Variants in MAP3K15 observed in about 807,000 individuals in gnomAD.
The protein encoded by MAP3K15 is MAPK/ERK kinase kinase 15.
MAP3K15 carries 124 observed loss-of-function variants against 99.5 expected under a neutral mutation model. The ratio of observed to expected loss-of-function variants is 1.25; its 90% CI spans 1.08 to 1.45. MAP3K15 has a LOEUF of 1.45. MAP3K15 is among the 40% of genes most tolerant of loss of function. The probability of loss-of-function intolerance (pLI) is 0.00; values close to 1 mark genes in which losing one functional copy is unlikely to be tolerated. For missense variants in MAP3K15, 1,242 were observed against 1,079.7 expected, an observed-to-expected ratio of 1.15 and a Z score of -2.11; for synonymous variants, 494 against 439.6, an observed-to-expected ratio of 1.12 and a Z score of -1.55.
chrX:19,440,433 C>T (rs1482777403), intron 6 of MAP3K15, among the ~76,000 whole-genome samples: 1 of 112,732 alleles, frequency 8.9e-6, no homozygotes, highest in Non-Finnish European at 1.9e-5. Flanking sequence ...CTAGAAGCGA[C>T]CTGTGTCTTA....
intron 3 of MAP3K15, among the ~76,000 whole-genome samples, chrX:19,474,455 A>AT (rs1286465815): frequency 2.6e-4 from 23 of 86,892 alleles, no homozygotes; most frequent in Admixed American, 9.7e-4. Flanking sequence ...AATCATGGCC[A>AT]TTTTTTTTTG....
intron 3 of MAP3K15, 133 bp from the exon 4 acceptor site, chrX:19,464,539 G>A (rs781466110): frequency 4.4e-6 from 2 of 459,371 alleles, no homozygotes; most frequent in African/African-American, 2.4e-5. Flanking sequence ...TACGACTATG[G>A]ATCTATTAGG....
At chrX:19,441,002 C>G (rs1159314320) in intron 6 of MAP3K15, among the ~76,000 whole-genome samples, 1 of 111,780 alleles carries the variant, frequency 8.9e-6, no homozygotes, top group Admixed American at 9.6e-5. Flanking sequence ...GCAAACAACT[C>G]AAATGCCCAT....
intron 9 of MAP3K15, among the ~76,000 whole-genome samples, chrX:19,421,911 C>G (rs1486818770): frequency 2.7e-5 from 3 of 109,653 alleles, no homozygotes; most frequent in South Asian, 7.8e-4. Context: ...ACAAACCTGA[C>G]AAAAACAAGC....
At chrX:19,417,497 G>A (rs1184959740) in intron 9 of MAP3K15, among the ~76,000 whole-genome samples, 1 of 111,544 alleles carries the variant, frequency 9.0e-6, no homozygotes, top group South Asian at 3.8e-4. Context: ...GCTGGGGGAG[G>A]GGCGCCCACC....
At position 19,419,819 on chromosome X, in the gene MAP3K15, C is replaced by A. The variant is rs1291248067; in HGVS notation, c.1440-4562G>T. On this transcript the variant is annotated intron_variant, in intron 9 of 28. Transcript: ENST00000338883. ...GCACTCCTTAGCAAATGTGAAAGAA[C>A]AGAAATTATAACAAACTCTCTCTCA... Among the ~76,000 whole-genome samples, 9 of 111,956 alleles carry A rather than the reference C, an allele frequency of 8.0e-5. No individual in the cohort carries two copies. In the South Asian group the frequency reaches 2.2e-3, roughly 28 times the overall value.
chrX:19,506,738 G>GCT (rs948794208), intron 1 of MAP3K15, among the ~76,000 whole-genome samples: 7 of 111,199 alleles, frequency 6.3e-5, no homozygotes, highest in African/African-American at 2.3e-4. Context: ...TGGCCAGGCT[G>GCT]CTCTCTAACT....
intron 6 of MAP3K15, among the ~76,000 whole-genome samples, chrX:19,441,923 G>A (rs1347921480): frequency 1.8e-5 from 2 of 111,931 alleles, no homozygotes; most frequent in African/African-American, 6.5e-5. Flanking sequence ...AGGAGACTGA[G>A]TTCACCAAGA....
chrX:19,431,850 A>G (rs749514353), intron 6 of MAP3K15, among the ~76,000 whole-genome samples: 1 of 110,779 alleles, frequency 9.0e-6, no homozygotes, highest in Non-Finnish European at 1.9e-5. Context: ...AGTATGAGGC[A>G]GGAGAATCAC....
chrX:19,460,218 C>A (rs201048010), intron 4 of MAP3K15, 65 bp from the exon 5 acceptor site: 4 of 882,517 alleles, frequency 4.5e-6, no homozygotes, highest in Non-Finnish European at 6.0e-6. Flanking sequence ...GTCTTGCGCC[C>A]AAAATGGTTC....
At chrX:19,424,195 C>T (rs141961997) in intron 9 of MAP3K15, among the ~76,000 whole-genome samples, 2,818 of 101,707 alleles carry the variant, frequency 0.028, 98 homozygotes, top group African/African-American at 0.1. Context: ...TGTATATATA[C>T]ACACACACAC....
chrX:19,365,884 G>A (rs867402628), intron 25 of MAP3K15, among the ~76,000 whole-genome samples: 45 of 108,778 alleles, frequency 4.1e-4, no homozygotes, highest in African/African-American at 1.3e-3. Context: ...GTGTGCACCT[G>A]TGGTCCCAGG....
chrX:19,419,739 C>A (rs1343888587), intron 9 of MAP3K15, among the ~76,000 whole-genome samples: 1 of 111,818 alleles, frequency 8.9e-6, no homozygotes, highest in Non-Finnish European at 1.9e-5. Context: ...AATATACATT[C>A]TTCTCAGCAC....
chrX:19,515,290 C>G lies in MAP3K15; in HGVS notation c.-29G>C. On this transcript the variant is annotated 5_prime_UTR_variant, in exon 1 of 29. Transcript: ENST00000338883. ...CCCGCCTGCGCGCCCTTCCCCTGGG[C>G]GAGTGGCCAGCGGCTGCGATCCGCT... The G allele has an allele frequency of 1.2e-6, 1 of 862,510 alleles. No homozygotes were observed. Among genetic ancestry groups the G allele is most frequent in the Non-Finnish European group, 1.4e-6 (1 of 705,250 alleles). 71.1% of individuals were successfully genotyped at this position (862,510 alleles called of 1,213,427 possible). A position where few individuals can be genotyped will look rare whatever the true frequency, so the allele number is the denominator to read the frequency against.
intron 9 of MAP3K15, among the ~76,000 whole-genome samples, chrX:19,421,519 GAAATA>G (rs2063784684): frequency 9.0e-6 from 1 of 110,860 alleles, no homozygotes; most frequent in African/African-American, 3.3e-5. Context: ...ACTGCTCAAC[GAAATA>G]AAAGAGGATA....
chrX:19,469,017 AG>A (rs2064188459), intron 3 of MAP3K15, among the ~76,000 whole-genome samples: 1 of 111,332 alleles, frequency 9.0e-6, no homozygotes, highest in Admixed American at 9.7e-5. Flanking sequence ...TTTTGGGCTG[AG>A]ATGATGGGGT....
At chrX:19,427,291 G>A (rs1364195790) in intron 7 of MAP3K15, among the ~76,000 whole-genome samples, 1 of 111,423 alleles carries the variant, frequency 9.0e-6, no homozygotes, top group Non-Finnish European at 1.9e-5. Flanking sequence ...TTACAGACAT[G>A]AGCCACCCTG....
chrX:19,418,234 A>G lies in MAP3K15; in HGVS notation c.1440-2977T>C, dbSNP rs901444145. 9.9e-5 allele frequency among the ~76,000 whole-genome samples: 11 copies of G among 111,382 alleles called. 1 individual carries two copies. Among genetic ancestry groups the G allele is most frequent in the African/African-American group, 2.9e-4 (9 of 30,636 alleles). ...TAAGAGAAGAAGACTTCAGACAATC[A>G]AACTACTCCGAGCTAAAGGAGGAAG... is the stretch of plus-strand genomic sequence containing the variant. On this transcript the variant is annotated intron_variant, in intron 9 of 28. Transcript: ENST00000338883.
At chrX:19,410,268 G>A (rs747588481) in intron 11 of MAP3K15, among the ~76,000 whole-genome samples, 2 of 112,594 alleles carry the variant, frequency 1.8e-5, no homozygotes, top group Non-Finnish European at 3.7e-5. Flanking sequence ...TTCATCTTCT[G>A]TCAACATAGT....
Sources: gnomAD v4.1 joint callset for allele counts (sites outside exome capture counted in the v4.1 genomes callset) on GRCh38, gnomAD v4.1.1 for gene constraint, MANE v1.5 for transcripts, NCBI Gene and HGNC (gene_info 2026-07-23, HGNC 2026-07-21) for gene names.